Variants in GGCX observed in about 807,000 individuals in gnomAD.
GGCX encodes vitamin K-dependent gamma-carboxylase.
GGCX carries 63 observed loss-of-function variants against 88.5 expected under a neutral mutation model. The ratio of observed to expected loss-of-function variants is 0.71; its 90% CI spans 0.58 to 0.88. GGCX has a LOEUF of 0.88. Ranked by LOEUF, GGCX falls within the 40% of genes least tolerant of loss-of-function variation. The pLI is 0.00. For missense variants in GGCX, 805 were observed against 932.9 expected (o/e 0.86, Z 1.79); for synonymous variants, 368 against 365.8 (o/e 1.01, Z -0.07).
chr2:85,552,718 TG>T, intron 9 of GGCX, 151 bp from the exon 10 acceptor site: 1 of 973,102 alleles, frequency 1.0e-6, no homozygotes, highest in South Asian at 1.3e-5. Context: ...TTTTCATTGT[TG>T]GGCTAGTGGT....
chr2:85,552,680 A>C, intron 9 of GGCX, 113 bp from the exon 10 acceptor site: 2 of 1,155,052 alleles, frequency 1.7e-6, no homozygotes, highest in Non-Finnish European at 2.6e-6. Context: ...TGGCTAGAAA[A>C]AAATGGAACT....
chr2:85,550,923 A>T lies in GGCX; in HGVS notation c.1888+2T>A, dbSNP rs755608344. On this transcript the variant is annotated splice_donor_variant, in intron 13 of 14. Transcript: ENST00000233838. LOFTEE classifies it high-confidence loss of function. ...TCTCAGCCCAAATGTTCATACACTC[A>T]CCACTTCCATTCTCCACCTTTTCCT... 2.5e-6 allele frequency: 4 copies of T among 1,613,932 alleles called. No homozygotes were observed. The East Asian group carries it at 8.9e-5, about 36-fold the overall frequency.
At chr2:85,554,691 C>G (rs545576149) in intron 6 of GGCX, among the ~76,000 whole-genome samples, 1 of 152,304 alleles carries the variant, frequency 6.6e-6, no homozygotes, top group Admixed American at 6.5e-5. Flanking sequence ...TGGTCTTGAA[C>G]TCCTGGGCTC....
At position 85,551,046 on chromosome 2, in the gene GGCX, C is replaced by A. The variant is rs769529414; in HGVS notation, c.1767G>T (p.Val589=). 1 of 1,613,936 alleles carries A rather than the reference C, an allele frequency of 6.2e-7. No homozygotes were observed. Among genetic ancestry groups the A allele is most frequent in the East Asian group, 2.2e-5 (1 of 44,886 alleles). The change falls in exon 13 of 15, where the codon GTG becomes GTT. Residue 589 remains valine, a synonymous_variant. Coordinates refer to ENST00000233838, the MANE Select transcript of GGCX (RefSeq NM_000821.7). ...AAGAAGGGCTAGGTGATGTCGTATA[C>A]ACCTTATGGTACTCACCAGCAGGCA... ...MQLPAGEYHK[V]YTTSPSPSCY...
At position 85,547,139 on chromosome 2, in the gene GGCX, GGAT is replaced by G. The variant is rs974648656; in HGVS notation, c.*2792_*2794del. ...AGCAGAGGGAAAGCATAACAGCAGG[GGAT>G]GATAAGGGTGATTATAGTTTAGAAA... On this transcript the variant is annotated 3_prime_UTR_variant, in exon 15 of 15. Coordinates refer to ENST00000233838, the MANE Select transcript of GGCX (RefSeq NM_000821.7). The G allele has an allele frequency of 6.6e-6, 1 of 152,182 alleles. No individual in the cohort carries two copies. Among genetic ancestry groups the G allele is most frequent in the Non-Finnish European group, 1.5e-5 (1 of 68,074 alleles). 9.4% of individuals were successfully genotyped at this position (152,182 alleles called of 1,614,324 possible).
rs534686624 is a variant in GGCX at position 85,555,864 on chromosome 2, T to G, written c.619-274A>C. 1.1e-3 allele frequency among the ~76,000 whole-genome samples: 168 copies of G among 152,334 alleles called. 2 individuals carry two copies. Among genetic ancestry groups the G allele is most frequent in the African/African-American group, 4.0e-3 (165 of 41,580 alleles). ...AGAAATTCGCCTCATCCAAACAGCATTTATTGACATCCAACCAATGTCAGC... is the reference window on the plus strand; with the variant it reads ...AGAAATTCGCCTCATCCAAACAGCAGTTATTGACATCCAACCAATGTCAGC... On this transcript the variant is annotated intron_variant, in intron 5 of 14. Transcript: ENST00000233838.
chr2:85,559,960 CACTCCCTG>C, intron 2 of GGCX, among the ~76,000 whole-genome samples: 1 of 152,264 alleles, frequency 6.6e-6, no homozygotes. Flanking sequence ...CATTTAGGAG[CACTCCCTG>C]ACCTCTATAG....
rs536985458 is a variant in GGCX at position 85,545,739 on chromosome 2, A to C, written c.*4195T>G. 1.5e-4 allele frequency: 22 copies of C among 147,900 alleles called. No individual in the cohort carries two copies. Among genetic ancestry groups the C allele is most frequent in the Non-Finnish European group, 3.1e-4 (21 of 68,018 alleles). 9.2% of individuals were successfully genotyped at this position (147,900 alleles called of 1,614,324 possible). A position where few individuals can be genotyped will look rare whatever the true frequency, so the allele number is the denominator to read the frequency against. ...AAAACCGCTAAAAGTATTAACCTGG[A>C]AGTGGTAATGTCTATCTAAAGTCCT... is the stretch of plus-strand genomic sequence containing the variant. On this transcript the variant is annotated 3_prime_UTR_variant, in exon 15 of 15. Transcript: ENST00000233838.
In GGCX at chr2:85,561,482, C is replaced by A; in HGVS notation, c.-54G>T. 7.2e-7 allele frequency: 1 copy of A among 1,389,696 alleles called. No homozygotes were observed. The highest frequency in any genetic ancestry group is 1.0e-6 in the Non-Finnish European group (1 of 1,001,176). 86.1% of individuals were successfully genotyped at this position (1,389,696 alleles called of 1,614,324 possible). On this transcript the variant is annotated 5_prime_UTR_variant, in exon 1 of 15. Transcript: ENST00000233838. ...AGCTGCCGCGTCTGAACGGAGGCCG[C>A]CAGGAGAATTTGCTTCCCTAGGCTC...
rs1386671604 is a variant in GGCX at position 85,547,332 on chromosome 2, T to C, written c.*2602A>G. On this transcript the variant is annotated 3_prime_UTR_variant, in exon 15 of 15. Coordinates refer to ENST00000233838, the MANE Select transcript of GGCX (RefSeq NM_000821.7). ...TAAAGTCTTTTGGCTAAAAGGACAT[T>C]GATAGCCCATTTTTAGAATGGCTAC... 6.6e-6 allele frequency: 1 copy of C among 152,184 alleles called. No homozygotes were observed. The highest frequency in any genetic ancestry group is 1.5e-5 in the Non-Finnish European group (1 of 68,040). The allele number at this position is 152,184 out of a possible 1,614,324, so 9.4% of individuals were successfully genotyped here. A position where few individuals can be genotyped will look rare whatever the true frequency, so the allele number is the denominator to read the frequency against.
intron 9 of GGCX, 62 bp from the exon 10 acceptor site, chr2:85,552,629 A>T: frequency 6.8e-7 from 1 of 1,466,716 alleles, no homozygotes. Context: ...CATGTCATGC[A>T]CTGCCAATGG....
At chr2:85,559,765 C>T (rs906143813) in intron 2 of GGCX, among the ~76,000 whole-genome samples, 1 of 152,098 alleles carries the variant, frequency 6.6e-6, no homozygotes, top group Non-Finnish European at 1.5e-5. Flanking sequence ...TGCTTCTCAA[C>T]CTTTTCTGCT....
At chr2:85,561,351 G>A (rs1482021799) in intron 1 of GGCX, 35 bp downstream of exon 1, 4 of 1,459,030 alleles carry the variant, frequency 2.7e-6, no homozygotes, top group Non-Finnish European at 3.7e-6. Context: ...GCGCTCCTAG[G>A]AACTCTCCGC....
At chr2:85,552,811 C>A in intron 9 of GGCX, 128 bp downstream of exon 9, 1 of 1,055,104 alleles carries the variant, frequency 9.5e-7, no homozygotes, top group Non-Finnish European at 1.5e-6. Context: ...ATAGTTCAAT[C>A]TGGCTCTTGA....
chr2:85,550,736 G>C lies in GGCX; in HGVS notation c.1903C>G (p.Pro635Ala), dbSNP rs1441992926. 4 of 1,613,828 alleles carry C rather than the reference G, an allele frequency of 2.5e-6. No homozygotes were observed. The African/African-American group carries it at 4.0e-5, about 16-fold the overall frequency. ...VENGSETGPL[P>A]PELQPLLEGE... is the part of the protein sequence containing the mutation. ...TCCAACAGAGGCTGCAGCTCTGGGG[G>C]TAGAGGCCCTGTTTCTGCCCGGAAG... Residue 635 changes from proline (P) to alanine (A), a missense_variant, in exon 14 of 15, where the codon CCC becomes GCC. Around this residue, in one of 3 missense-constraint regions of GGCX, gnomAD observed 680 missense variants for 763.7 expected, o/e 0.89. Coordinates refer to ENST00000233838, the MANE Select transcript of GGCX (RefSeq NM_000821.7).
rs80031214 is a variant in GGCX at position 85,550,325 on chromosome 2, G to A, written c.2085-199C>T. Among the ~76,000 whole-genome samples, 585 of 152,248 alleles carry A rather than the reference G, an allele frequency of 3.8e-3. 10 individuals carry two copies. Among genetic ancestry groups the A allele is most frequent in the African/African-American group, 0.014 (569 of 41,532 alleles). Reference sequence around the variant, plus strand: ...GTCTGGTAGAGGATTCCAGGATAGGGTAGGAACAGCCCACAGAGAGGCTGG... The same window carrying A: ...GTCTGGTAGAGGATTCCAGGATAGGATAGGAACAGCCCACAGAGAGGCTGG... On this transcript the variant is annotated intron_variant, in intron 14 of 14. Transcript: ENST00000233838.
At chr2:85,555,412 A>G (rs1359187365) in intron 6 of GGCX, 72 bp downstream of exon 6, 2 of 815,340 alleles carry the variant, frequency 2.5e-6, no homozygotes, top group African/African-American at 1.7e-5. Flanking sequence ...AACAGGTGCC[A>G]TTACTGAGAG....
In GGCX at chr2:85,548,025, T is replaced by C. The variant is rs1237742957; in HGVS notation, c.*1909A>G. 1 of 152,120 alleles carries C rather than the reference T, an allele frequency of 6.6e-6. No homozygotes were observed. Among genetic ancestry groups the C allele is most frequent in the Non-Finnish European group, 1.5e-5 (1 of 68,046 alleles). 9.4% of individuals were successfully genotyped at this position (152,120 alleles called of 1,614,324 possible). A position where few individuals can be genotyped will look rare whatever the true frequency, so the allele number is the denominator to read the frequency against. ...CCAGCCTGGCCAATGTGGGAAACCA[T>C]GTCTCTACTAAAAATACAAAAATTA... On this transcript the variant is annotated 3_prime_UTR_variant, in exon 15 of 15. Coordinates refer to ENST00000233838, the MANE Select transcript of GGCX (RefSeq NM_000821.7).
intron 12 of GGCX, 58 bp from the exon 13 acceptor site, chr2:85,551,130 C>T: frequency 1.4e-6 from 2 of 1,475,504 alleles, no homozygotes; most frequent in Admixed American, 1.7e-5. Context: ...CAGCTTATGG[C>T]CTCCCTACTC....
Sources: allele counts gnomAD v4.1 joint callset (sites outside exome capture counted in the v4.1 genomes callset), GRCh38; gene constraint gnomAD v4.1.1; regional missense constraint gnomAD v4.1.1; transcripts MANE v1.5; gene names NCBI Gene and HGNC (gene_info 2026-07-23, HGNC 2026-07-21).